Variants in RABGGTB observed in about 807,000 individuals in gnomAD.
RABGGTB encodes the protein geranylgeranyl transferase type-2 subunit beta.
RABGGTB carries 20 observed loss-of-function variants against 44.5 expected under a neutral mutation model. The observed-to-expected ratio is 0.45, with a 90% CI of 0.32 to 0.65. RABGGTB has a LOEUF of 0.65. Among genes scored for constraint, RABGGTB ranks in the 30% least tolerant of loss-of-function variants. The probability of loss-of-function intolerance (pLI) is 0.05; values close to 1 mark genes in which losing one functional copy is unlikely to be tolerated. For missense variants in RABGGTB, 302 were observed against 398.7 expected, an observed-to-expected ratio of 0.76 and a Z score of 2.06; for synonymous variants, 128 against 136.7, an observed-to-expected ratio of 0.94 and a Z score of 0.44.
rs940274710 is a variant in RABGGTB, at chr1:75,794,759, GTTAAA to G, written c.*114_*118del. ...CTACTGTTAATATTTTGTATATTGTGTTAAATTAATTTTAATAAATTATATAATTA... is the reference window on the plus strand; with the variant it reads ...CTACTGTTAATATTTTGTATATTGTGTTAATTTTAATAAATTATATAATTA... On this transcript the variant is annotated 3_prime_UTR_variant, in exon 9 of 9. Coordinates refer to ENST00000319942, the MANE Select transcript of RABGGTB (RefSeq NM_004582.4). 10 of 805,510 alleles carry G rather than the reference GTTAAA, an allele frequency of 1.2e-5. No homozygotes were observed. Among genetic ancestry groups the G allele is most frequent in the East Asian group, 3.5e-5 (1 of 28,276 alleles). The allele number at this position is 805,510 out of a possible 1,614,324, so 49.9% of individuals were successfully genotyped here.
rs374792957 is a variant in RABGGTB at position 75,786,347 on chromosome 1, G to A, written c.3+73G>A. ...GGGTGGAGTAGGGTTAAGCACACTG[G>A]TCACCTTAGGATTGGTTTCCTGGTG... On this transcript the variant is annotated intron_variant, in intron 1 of 8. Transcript: ENST00000319942. 8 of 1,581,044 alleles carry A rather than the reference G, an allele frequency of 5.1e-6. No homozygotes were observed. In the East Asian group the frequency reaches 1.8e-4, roughly 35 times the overall value.
At chr1:75,794,448 C>T (rs996305973) in intron 8 of RABGGTB, 62 bp from the exon 9 acceptor site, 2 of 1,506,280 alleles carry the variant, frequency 1.3e-6, no homozygotes, top group Non-Finnish European at 1.8e-6. Context: ...GTCAGGTATT[C>T]ATAATTTGAA....
In RABGGTB at chr1:75,791,342, G is replaced by A; in HGVS notation, c.468+5G>A. 1 of 1,607,456 alleles carries A rather than the reference G, an allele frequency of 6.2e-7. No individual in the cohort carries two copies. The highest frequency in any genetic ancestry group is 8.5e-7 in the Non-Finnish European group (1 of 1,174,476). On this transcript the variant is annotated splice_donor_5th_base_variant and intron_variant, in intron 5 of 8. Transcript: ENST00000319942. ...GTGGCAACTTTGGCTTTGTTGGTAA[G>A]CTTTGAATATTTGATTGAAATGATT...
At chr1:75,790,614 G>C in intron 4 of RABGGTB, 1 of 487,150 alleles carries the variant, frequency 2.1e-6, no homozygotes, top group South Asian at 8.9e-5. Flanking sequence ...TCTTTAAGCA[G>C]CTTAAGATAA....
chr1:75,790,931 CA>C (rs1302048710), intron 4 of RABGGTB, among the ~76,000 whole-genome samples: 3 of 152,252 alleles, frequency 2.0e-5, no homozygotes, highest in Admixed American at 2.0e-4. Flanking sequence ...GCCTGAGCCA[CA>C]ATGCCCAGCC....
At position 75,787,781 on chromosome 1, in the gene RABGGTB, T is replaced by TA. The variant is rs1649536507; in HGVS notation, c.111+178dup. The stretch of plus-strand genomic sequence containing the variant: ...TGGACGTCTGAGGCTGTGGGCTTAT[T>TA]AGAATCTCAGTTTTTACCTATACTG... On this transcript the variant is annotated intron_variant, in intron 2 of 8. Coordinates refer to ENST00000319942, the MANE Select transcript of RABGGTB (RefSeq NM_004582.4). 39 of 665,990 alleles carry TA rather than the reference T, an allele frequency of 5.9e-5. 1 individual carries two copies. The South Asian group carries it at 6.3e-4, about 11-fold the overall frequency. 41.3% of individuals were successfully genotyped at this position (665,990 alleles called of 1,614,324 possible). A position where few individuals can be genotyped will look rare whatever the true frequency, so the allele number is the denominator to read the frequency against.
intron 7 of RABGGTB, among the ~76,000 whole-genome samples, chr1:75,792,974 C>T (rs886356591): frequency 2.6e-5 from 4 of 151,998 alleles, no homozygotes; most frequent in South Asian, 2.1e-4. Context: ...TACAGGCGCA[C>T]GGCTAATTTT....
rs143074736 is a variant in RABGGTB, at chr1:75,794,169, G to A, written c.791G>A (p.Arg264His). The change falls in exon 8 of 9, where the codon CGT becomes CAT. Residue 264 changes from arginine (R) to histidine (H), a missense_variant. Arg to His is a conservative substitution (Grantham distance 29). Around this residue, in one of 2 missense-constraint regions of RABGGTB, gnomAD observed 213 missense variants for 323.7 expected, o/e 0.66. Transcript: ENST00000319942. ...RLHWIDREKLRNFILACQDEE... is the reference protein window; with the variant it reads ...RLHWIDREKLHNFILACQDEE... ...CATTGGATTGATAGAGAGAAACTGC[G>A]TAATTTCATTTTAGCATGTCAAGAT... The A allele has an allele frequency of 2.4e-5, 39 of 1,613,660 alleles. No homozygotes were observed. Among genetic ancestry groups the A allele is most frequent in the East Asian group, 8.9e-5 (4 of 44,882 alleles).
chr1:75,792,247 G>A lies in RABGGTB; in HGVS notation c.646G>A (p.Gly216Ser), dbSNP rs1649663680. ...QLHQVNSDLL[G>S]WWLCERQLPS... ...GCATCAAGTAAATTCTGATTTACTT[G>A]GCTGGTGGCTTTGTGAACGACAATT... Residue 216 changes from glycine (G) to serine (S), a missense_variant, in exon 7 of 9, where the codon GGC becomes AGC. By Grantham distance (56) the Gly-to-Ser change is moderately conservative (BLOSUM62 0). Around this residue, in one of 2 missense-constraint regions of RABGGTB, gnomAD observed 213 missense variants for 323.7 expected, o/e 0.66. Transcript: ENST00000319942. 6.2e-7 allele frequency: 1 copy of A among 1,613,980 alleles called. No homozygotes were observed. The highest frequency in any genetic ancestry group is 8.5e-7 in the Non-Finnish European group (1 of 1,179,924).
chr1:75,794,264 A>G (rs1377029314), intron 8 of RABGGTB, 31 bp downstream of exon 8: 1 of 1,573,814 alleles, frequency 6.4e-7, no homozygotes. Flanking sequence ...ATTTCTATAA[A>G]TTATTTCAGC....
chr1:75,791,126 G>A, intron 4 of RABGGTB, 159 bp from the exon 5 acceptor site: 1 of 634,442 alleles, frequency 1.6e-6, no homozygotes, highest in Non-Finnish European at 2.8e-6. Flanking sequence ...ATTTTCTTGG[G>A]AAGTAAAGGC....
chr1:75,789,152 A>C lies in RABGGTB; in HGVS notation c.112-7A>C. ...TGACAGATTTAAGAAATTGTGTATTATTTTAGGAATACTGTATGTCTGAGT... is the reference window on the plus strand; with the variant it reads ...TGACAGATTTAAGAAATTGTGTATTCTTTTAGGAATACTGTATGTCTGAGT... On this transcript the variant is annotated splice_polypyrimidine_tract_variant and splice_region_variant and intron_variant, in intron 2 of 8. Coordinates refer to ENST00000319942, the MANE Select transcript of RABGGTB (RefSeq NM_004582.4). 6.2e-7 allele frequency: 1 copy of C among 1,611,410 alleles called. No homozygotes were observed. Among genetic ancestry groups the C allele is most frequent in the Non-Finnish European group, 8.5e-7 (1 of 1,177,654 alleles).
At position 75,787,582 on chromosome 1, in the gene RABGGTB, A is replaced by G. The variant is rs768491868; in HGVS notation, c.89A>G (p.Tyr30Cys). Residue 30 changes from tyrosine to cysteine, a missense_variant, in exon 2 of 9, where the codon TAT becomes TGT. This residue lies in a region of RABGGTB where 89 missense variants were observed against 75.0 expected (regional missense o/e 1.19). Transcript: ENST00000319942. ...AAACATGCAGATTATATCGCATCCT[A>G]TGGCTCAAAGAAAGATGATTATGTA... ...LEKHADYIAS[Y>C]GSKKDDYEYC... 21 of 1,612,564 alleles carry G rather than the reference A, an allele frequency of 1.3e-5. No homozygotes were observed. Among genetic ancestry groups the G allele is most frequent in the Non-Finnish European group, 1.6e-5 (19 of 1,178,564 alleles).
At chr1:75,791,675 A>T (rs1295343153) in intron 6 of RABGGTB, 104 bp downstream of exon 6, 2 of 976,508 alleles carry the variant, frequency 2.0e-6, no homozygotes, top group African/African-American at 1.6e-5. Flanking sequence ...CATAAAGTTA[A>T]TTCGACTGTA....
In RABGGTB at chr1:75,790,012, A is replaced by C. The variant is rs979707090; in HGVS notation, c.370A>C (p.Lys124Gln). 1 of 1,613,278 alleles carries C rather than the reference A, an allele frequency of 6.2e-7. No homozygotes were observed. The highest frequency in any genetic ancestry group is 8.5e-7 in the Non-Finnish European group (1 of 1,179,510). The change falls in exon 4 of 9, where the codon AAA becomes CAA. Residue 124 changes from lysine (K) to glutamine (Q), a missense_variant. Coordinates refer to ENST00000319942, the MANE Select transcript of RABGGTB (RefSeq NM_004582.4). The stretch of plus-strand genomic sequence containing the variant: ...CGTAAATAAAGTTGTGGAATATGTT[A>C]AAGGTCTACAGAAAGAAGATGGTTC... ...IDVNKVVEYV[K>Q]GLQKEDGSFA...
Position 75,789,949 on chromosome 1 carries a change from C to T in RABGGTB, c.310-3C>T, listed in dbSNP as rs1649605797. 1 of 1,591,346 alleles carries T rather than the reference C, an allele frequency of 6.3e-7. No homozygotes were observed. Among genetic ancestry groups the T allele is most frequent in the Non-Finnish European group, 8.6e-7 (1 of 1,161,620 alleles). On this transcript the variant is annotated splice_polypyrimidine_tract_variant and splice_region_variant and intron_variant, in intron 3 of 8. Transcript: ENST00000319942. ...ATTTACCTAATACTTGTCTTTATTG[C>T]AGATTCTTACGCTGTATGACAGTAT...
rs774494744 is a variant in RABGGTB, at chr1:75,786,279, G to T, written c.3+5G>T. On this transcript the variant is annotated splice_donor_5th_base_variant and intron_variant, in intron 1 of 8. Transcript: ENST00000319942. ...CTCCTTTCCCTGTTAGACATGGTAA[G>T]TGTGAGTTTAGCGCTGCTGTCCGGA... is the stretch of plus-strand genomic sequence containing the variant. 14 of 1,614,088 alleles carry T rather than the reference G, an allele frequency of 8.7e-6. No individual in the cohort carries two copies. Among genetic ancestry groups the T allele is most frequent in the African/African-American group, 2.7e-5 (2 of 74,952 alleles).
At chr1:75,792,403 C>T in intron 7 of RABGGTB, 97 bp downstream of exon 7, 7 of 1,504,070 alleles carry the variant, frequency 4.7e-6, no homozygotes, top group Non-Finnish European at 6.3e-6. Flanking sequence ...TGGCCATGAG[C>T]TTATTTATTA....
At chr1:75,786,554 T>C (rs1472677515) in intron 1 of RABGGTB, 1 of 413,610 alleles carries the variant, frequency 2.4e-6, no homozygotes. Flanking sequence ...CTGTGGCTGA[T>C]TGGTGGCTTT....
Sources: gnomAD v4.1 joint callset for allele counts (sites outside exome capture counted in the v4.1 genomes callset) on GRCh38, gnomAD v4.1.1 for gene constraint, gnomAD v4.1.1 regional missense constraint, MANE v1.5 for transcripts, NCBI Gene and HGNC (gene_info 2026-07-23, HGNC 2026-07-21) for gene names.